The following MACROD2 variants were observed in gnomAD, a reference collection of about 807,000 sequenced individuals.
The protein encoded by MACROD2 is ADP-ribose glycohydrolase MACROD2.
A neutral mutation model predicts 70.4 loss-of-function variants in MACROD2; 36 were observed. The observed-to-expected ratio is 0.51, with a 90% CI of 0.39 to 0.68. The LOEUF is 0.68. Ranked by LOEUF, MACROD2 falls within the 30% of genes least tolerant of loss-of-function variation. The pLI, the probability that MACROD2 is intolerant of heterozygous loss-of-function variation, is 0.00. For synonymous variants in MACROD2, 172 were observed against 178.8 expected (o/e 0.96, Z 0.30); for missense variants, 496 against 538.4 (o/e 0.92, Z 0.78).
rs954881560 is a variant in MACROD2, at chr20:15,170,365, G to A, written c.419-59575G>A. On this transcript the variant is annotated intron_variant, in intron 5 of 17. Transcript: ENST00000684519. ...TAAAGCATAGCATAGGGAGATCAGA[G>A]AAAAGTCACTACCTACCCTTCTGAA... Among the ~76,000 whole-genome samples the A allele has an allele frequency of 1.3e-5, 2 of 152,180 alleles. 1 individual carries two copies. Among genetic ancestry groups the A allele is most frequent in the South Asian group, 4.1e-4 (2 of 4,828 alleles).
chr20:15,366,109 T>C (rs2045405436), intron 6 of MACROD2, among the ~76,000 whole-genome samples: 3 of 152,230 alleles, frequency 2.0e-5, no homozygotes, highest in African/African-American at 7.2e-5. Flanking sequence ...ATTATTATTT[T>C]TTAAATTTCA....
At chr20:15,754,973 C>T (rs1435946969) in intron 8 of MACROD2, among the ~76,000 whole-genome samples, 2 of 152,048 alleles carry the variant, frequency 1.3e-5, no homozygotes, top group African/African-American at 4.8e-5. Context: ...ATTCTCCTAC[C>T]TTAGCCTCCT....
chr20:15,402,128 G>A (rs539429853), intron 6 of MACROD2, among the ~76,000 whole-genome samples: 6 of 152,172 alleles, frequency 3.9e-5, no homozygotes, highest in Non-Finnish European at 5.9e-5. Context: ...GTTCAGATTC[G>A]CAGCAGTAGT....
At chr20:15,309,357 C>T (rs924547938) in intron 6 of MACROD2, among the ~76,000 whole-genome samples, 1 of 152,152 alleles carries the variant, frequency 6.6e-6, no homozygotes, top group Non-Finnish European at 1.5e-5. Context: ...TTCCCTCTAG[C>T]AGGGGGAAAG....
intron 5 of MACROD2, among the ~76,000 whole-genome samples, chr20:15,198,161 A>G (rs1015116598): frequency 3.3e-5 from 5 of 151,804 alleles, no homozygotes; most frequent in African/African-American, 1.2e-4. Context: ...GGGTTTCACT[A>G]TGTTGGCCAG....
intron 5 of MACROD2, among the ~76,000 whole-genome samples, chr20:14,903,857 G>C (rs1187264054): frequency 6.6e-6 from 1 of 152,120 alleles, no homozygotes; most frequent in African/African-American, 2.4e-5. Flanking sequence ...GGGCACTGAT[G>C]TTCATCTCAC....
intron 3 of MACROD2, among the ~76,000 whole-genome samples, chr20:14,229,571 G>A (rs2081780417): frequency 6.6e-6 from 1 of 152,184 alleles, no homozygotes. Flanking sequence ...ATGCTGACAA[G>A]GACGTGGAAC....
chr20:15,165,892 A>G (rs991156833), intron 5 of MACROD2, among the ~76,000 whole-genome samples: 1 of 152,196 alleles, frequency 6.6e-6, no homozygotes, highest in Admixed American at 6.5e-5. Flanking sequence ...CCAAATGTCT[A>G]TCAATCAACT....
At chr20:14,388,398 A>G (rs936785755) in intron 3 of MACROD2, among the ~76,000 whole-genome samples, 2 of 152,218 alleles carry the variant, frequency 1.3e-5, no homozygotes, top group Admixed American at 6.5e-5. Context: ...GTCACCCCAC[A>G]CAGTCAAAAA....
intron 8 of MACROD2, among the ~76,000 whole-genome samples, chr20:15,810,737 T>A (rs1169542058): frequency 6.6e-6 from 1 of 152,082 alleles, no homozygotes; most frequent in Non-Finnish European, 1.5e-5. Flanking sequence ...ACCAAAACAG[T>A]GATATAGACC....
At chr20:15,168,299 G>C (rs2076399140) in intron 5 of MACROD2, among the ~76,000 whole-genome samples, 1 of 151,996 alleles carries the variant, frequency 6.6e-6, no homozygotes, top group Non-Finnish European at 1.5e-5. Context: ...TACTTTCCCT[G>C]GGCCTCTTGA....
At chr20:15,290,207 T>G (rs553156683) in intron 6 of MACROD2, among the ~76,000 whole-genome samples, 1 of 152,368 alleles carries the variant, frequency 6.6e-6, no homozygotes, top group Non-Finnish European at 1.5e-5. Flanking sequence ...CTGGTTGCTT[T>G]TGATTCCATG....
At chr20:14,294,894 G>A (rs559257494) in intron 3 of MACROD2, among the ~76,000 whole-genome samples, 3 of 151,622 alleles carry the variant, frequency 2.0e-5, no homozygotes, top group South Asian at 4.2e-4. Flanking sequence ...TTTTATTAAT[G>A]TCTTACCTAA....
chr20:14,554,749 C>A (rs765019787), intron 4 of MACROD2, among the ~76,000 whole-genome samples: 1 of 152,060 alleles, frequency 6.6e-6, no homozygotes, highest in African/African-American at 2.4e-5. Flanking sequence ...CCTTAAACAA[C>A]TCTCAGGGGG....
At chr20:14,935,988 G>A (rs1411654811) in intron 5 of MACROD2, among the ~76,000 whole-genome samples, 1 of 151,946 alleles carries the variant, frequency 6.6e-6, no homozygotes, top group Non-Finnish European at 1.5e-5. Context: ...ATTGTTCTAG[G>A]AGCCAAGCAC....
intron 3 of MACROD2, among the ~76,000 whole-genome samples, chr20:14,450,660 T>C (rs1229870646): frequency 6.6e-6 from 1 of 152,140 alleles, no homozygotes; most frequent in African/African-American, 2.4e-5. Flanking sequence ...TAAGTTAGCA[T>C]GGATTTAAAT....
At chr20:15,930,616 G>A (rs576019663) in intron 10 of MACROD2, among the ~76,000 whole-genome samples, 5 of 152,310 alleles carry the variant, frequency 3.3e-5, no homozygotes, top group African/African-American at 9.6e-5. Flanking sequence ...TGTGATAAAT[G>A]TGCCAAGTGT....
At chr20:14,721,939 C>T (rs1003137991) in intron 5 of MACROD2, among the ~76,000 whole-genome samples, 12 of 152,276 alleles carry the variant, frequency 7.9e-5, no homozygotes, top group Admixed American at 6.5e-4. Context: ...GACTTAGGCC[C>T]ATGACAGACT....
At chr20:15,182,439 A>G (rs1175710524) in intron 5 of MACROD2, among the ~76,000 whole-genome samples, 1 of 152,190 alleles carries the variant, frequency 6.6e-6, no homozygotes, top group Non-Finnish European at 1.5e-5. Context: ...ACCAGCTAAC[A>G]AGGTCATAAG....
Sources: gnomAD v4.1 joint callset for allele counts (sites outside exome capture counted in the v4.1 genomes callset) on GRCh38, gnomAD v4.1.1 for gene constraint, MANE v1.5 for transcripts, NCBI Gene and HGNC (gene_info 2026-07-23, HGNC 2026-07-21) for gene names.